Variants in METTL14 observed in about 807,000 individuals in gnomAD.
The protein encoded by METTL14 is methyltransferase 14, N6-adenosine-methyltransferase non-catalytic subunit.
In METTL14, 32 loss-of-function variants were observed where a neutral mutation model predicts 62.4. The ratio of observed to expected loss-of-function variants is 0.51; its 90% CI spans 0.39 to 0.69. The LOEUF is 0.69. Ranked by LOEUF, METTL14 falls within the 30% of genes least tolerant of loss-of-function variation. The pLI is 0.00. For missense variants in METTL14, 340 were observed against 551.9 expected (o/e 0.62, Z 3.85); for synonymous variants, 150 against 180.0 (o/e 0.83, Z 1.34).
chr4:118,694,639 T>C lies in METTL14; in HGVS notation c.503+113T>C, dbSNP rs935554048. Reference sequence around the variant, plus strand: ...AAATTCAGCACTTATGTTAACATGCTTTATTACTCTGTTTCTTCTCTCTGC... The same window carrying C: ...AAATTCAGCACTTATGTTAACATGCCTTATTACTCTGTTTCTTCTCTCTGC... On this transcript the variant is annotated intron_variant, in intron 6 of 10. Coordinates refer to ENST00000388822, the MANE Select transcript of METTL14 (RefSeq NM_020961.4). 6.6e-6 allele frequency: 5 copies of C among 754,474 alleles called. No homozygotes were observed. The African/African-American group carries it at 9.0e-5, about 14-fold the overall frequency. 46.7% of individuals were successfully genotyped at this position (754,474 alleles called of 1,614,324 possible). A position where few individuals can be genotyped will look rare whatever the true frequency, so the allele number is the denominator to read the frequency against.
rs887729260 is a variant in METTL14 at position 118,710,672 on chromosome 4, C to T, written c.*370C>T. On this transcript the variant is annotated 3_prime_UTR_variant, in exon 11 of 11. Transcript: ENST00000388822. ...GGTATCATGCTAGTGCTGACAGGGCCTTGATAGAATAGAGTTGGAAAAGAT... is the reference window on the plus strand; with the variant it reads ...GGTATCATGCTAGTGCTGACAGGGCTTTGATAGAATAGAGTTGGAAAAGAT... 2.5e-4 allele frequency: 40 copies of T among 161,836 alleles called. No homozygotes were observed. The highest frequency in any genetic ancestry group is 8.9e-4 in the African/African-American group (37 of 41,768). 10.0% of individuals were successfully genotyped at this position (161,836 alleles called of 1,614,324 possible).
Position 118,694,971 on chromosome 4 carries a change from T to A in METTL14, c.503+445T>A, listed in dbSNP as rs2110467555. ...CACGCACCACCATGCCTGGCTAATT[T>A]TTGGCACACACCACCATGCCTGGCT... is the stretch of plus-strand genomic sequence containing the variant. On this transcript the variant is annotated intron_variant, in intron 6 of 10. Transcript: ENST00000388822. Among the ~76,000 whole-genome samples, 3 of 151,956 alleles carry A rather than the reference T, an allele frequency of 2.0e-5. No individual in the cohort carries two copies. The Middle Eastern group carries it at 0.01, about 517-fold the overall frequency.
rs1257684541 is a variant in METTL14 at position 118,703,941 on chromosome 4, C to T, written c.745C>T (p.Arg249Ter). The T allele has an allele frequency of 5.8e-6, 9 of 1,545,502 alleles. No homozygotes were observed. The highest frequency in any genetic ancestry group is 6.1e-6 in the Non-Finnish European group (7 of 1,150,254). ...EGLDLGRVCL[R>*]KWGYRRCEDI... ...AAAATTCTTTTGTTTCTAGTGTTTA[C>T]GAAAATGGGGTTACAGAAGATGTGA... Residue 249 changes from arginine (R) to a stop codon, truncating the protein, a stop_gained, in exon 9 of 11, where the codon CGA becomes TGA. Transcript: ENST00000388822. LOFTEE classifies it high-confidence loss of function.
At chr4:118,702,231 T>A (rs536093658) in intron 8 of METTL14, among the ~76,000 whole-genome samples, 16 of 151,902 alleles carry the variant, frequency 1.1e-4, no homozygotes, top group African/African-American at 3.9e-4. Context: ...GCAGTTCTCC[T>A]GCTTCAGCCT....
chr4:118,696,168 A>G (rs1043725151), intron 6 of METTL14, among the ~76,000 whole-genome samples: 2 of 151,362 alleles, frequency 1.3e-5, no homozygotes, highest in Non-Finnish European at 2.9e-5. Context: ...AGTCATTAGA[A>G]GCACCACAGA....
intron 7 of METTL14, among the ~76,000 whole-genome samples, chr4:118,699,771 C>G (rs1237013624): frequency 1.3e-5 from 2 of 152,160 alleles, no homozygotes; most frequent in African/African-American, 4.8e-5. Flanking sequence ...TTTAATTTCA[C>G]TGTACTTCAA....
At position 118,689,828 on chromosome 4, in the gene METTL14, C is replaced by T. The variant is rs1441509202; in HGVS notation, c.243+371C>T. 2.0e-5 allele frequency among the ~76,000 whole-genome samples: 3 copies of T among 151,346 alleles called. No homozygotes were observed. In the East Asian group the frequency reaches 5.9e-4, roughly 30 times the overall value. On this transcript the variant is annotated intron_variant, in intron 3 of 10. Transcript: ENST00000388822. ...CTAATTTTTGTATTTTTAGTAGAGA[C>T]AGGGTTTCACCATGTTGGCCAGGAT...
intron 8 of METTL14, among the ~76,000 whole-genome samples, chr4:118,701,695 ATAT>A (rs1183596189): frequency 6.6e-6 from 1 of 152,134 alleles, no homozygotes; most frequent in Non-Finnish European, 1.5e-5. Context: ...TTTTTATGAC[ATAT>A]TATTTATTAT....
intron 10 of METTL14, among the ~76,000 whole-genome samples, chr4:118,709,163 C>T (rs1289606222): frequency 6.6e-6 from 1 of 152,062 alleles, no homozygotes; most frequent in Non-Finnish European, 1.5e-5. Context: ...ATAATATGGG[C>T]ACAAAAATCG....
intron 7 of METTL14, among the ~76,000 whole-genome samples, chr4:118,697,667 A>G (rs1222680542): frequency 6.6e-6 from 1 of 152,188 alleles, no homozygotes. Flanking sequence ...TTCAGTAAAC[A>G]TCAGAGCTTG....
At chr4:118,690,035 C>CTTTTTTTTTTTTTTTT (rs70941200) in intron 3 of METTL14, among the ~76,000 whole-genome samples, 1 of 86,640 alleles carries the variant, frequency 1.2e-5, no homozygotes. Flanking sequence ...TAATAATATT[C>CTTTTTTTTTTTTTTTT]TTTTTTTTTT....
intron 3 of METTL14, among the ~76,000 whole-genome samples, chr4:118,689,985 A>G (rs1168681991): frequency 1.0e-4 from 15 of 147,498 alleles, no homozygotes; most frequent in Admixed American, 8.9e-4. Context: ...ATGAGGTTAT[A>G]TATATGAGGC....
rs1453806906 is a variant in METTL14, at chr4:118,713,663, T to A, written c.*3361T>A. The A allele has an allele frequency of 6.6e-6, 1 of 152,188 alleles. No homozygotes were observed. Among genetic ancestry groups the A allele is most frequent in the Non-Finnish European group, 1.5e-5 (1 of 68,020 alleles). The allele number at this position is 152,188 out of a possible 1,614,324, so 9.4% of individuals were successfully genotyped here. On this transcript the variant is annotated 3_prime_UTR_variant, in exon 11 of 11. Coordinates refer to ENST00000388822, the MANE Select transcript of METTL14 (RefSeq NM_020961.4). ...TTAGAACAATCCTGTAATCTTAGGGTTCATGTGTGACTAGCATTATCCTCT... is the reference window on the plus strand; with the variant it reads ...TTAGAACAATCCTGTAATCTTAGGGATCATGTGTGACTAGCATTATCCTCT...
chr4:118,693,990 A>G (rs1447794539), intron 5 of METTL14, among the ~76,000 whole-genome samples: 1 of 151,718 alleles, frequency 6.6e-6, no homozygotes, highest in Non-Finnish European at 1.5e-5. Flanking sequence ...GAAAAGAAAC[A>G]CTCATTTTCT....
chr4:118,695,834 G>C (rs1054988385), intron 6 of METTL14, among the ~76,000 whole-genome samples: 2 of 152,024 alleles, frequency 1.3e-5, no homozygotes, highest in African/African-American at 4.8e-5. Context: ...ATTTTGGGCC[G>C]GGTGCGGTGG....
At position 118,710,532 on chromosome 4, in the gene METTL14, G is replaced by T; in HGVS notation, c.*230G>T. The T allele has an allele frequency of 2.3e-6, 1 of 436,714 alleles. No individual in the cohort carries two copies. The highest frequency in any genetic ancestry group is 4.1e-6 in the Non-Finnish European group (1 of 246,812). The allele number at this position is 436,714 out of a possible 1,614,324, so 27.1% of individuals were successfully genotyped here. On this transcript the variant is annotated 3_prime_UTR_variant, in exon 11 of 11. Coordinates refer to ENST00000388822, the MANE Select transcript of METTL14 (RefSeq NM_020961.4). Reference sequence around the variant, plus strand: ...TTTTGTTATGTGCGTGAACAGAATGGAACAACTCAAGTAGCTTCATCTTCA... The same window carrying T: ...TTTTGTTATGTGCGTGAACAGAATGTAACAACTCAAGTAGCTTCATCTTCA...
intron 5 of METTL14, among the ~76,000 whole-genome samples, chr4:118,694,113 A>C (rs1724332977): frequency 6.6e-6 from 1 of 150,406 alleles, no homozygotes; most frequent in Admixed American, 6.6e-5. Context: ...AGAATCACAC[A>C]AGAAAGGTAG....
intron 8 of METTL14, among the ~76,000 whole-genome samples, chr4:118,701,587 T>C (rs1337519534): frequency 6.6e-6 from 1 of 152,196 alleles, no homozygotes; most frequent in Non-Finnish European, 1.5e-5. Flanking sequence ...AATTTTGCTC[T>C]CAATTCAGCT....
At chr4:118,693,091 G>A (rs1234434367) in intron 5 of METTL14, among the ~76,000 whole-genome samples, 1 of 152,044 alleles carries the variant, frequency 6.6e-6, no homozygotes, top group Non-Finnish European at 1.5e-5. Context: ...GCAGCTGCAC[G>A]ATTTTACATT....
Sources: allele counts gnomAD v4.1 joint callset (sites outside exome capture counted in the v4.1 genomes callset), GRCh38; gene constraint gnomAD v4.1.1; transcripts MANE v1.5; gene names NCBI Gene and HGNC (gene_info 2026-07-23, HGNC 2026-07-21).